BICRA: variants seen among roughly 807,000 people sequenced by gnomAD.
The protein encoded by BICRA is BRD4-interacting chromatin-remodeling complex-associated protein.
A neutral mutation model predicts 96.9 loss-of-function variants in BICRA; 31 were observed. The ratio of observed to expected loss-of-function variants is 0.32; its 90% confidence interval spans 0.24 to 0.43. The LOEUF (loss-of-function observed/expected upper bound fraction) is 0.43, where lower values mean the gene tolerates loss of function less well. Among genes scored for constraint, BICRA ranks in the 20% least tolerant of loss-of-function variants. The probability of loss-of-function intolerance (pLI) is 1.00; values close to 1 mark genes in which losing one functional copy is unlikely to be tolerated. For synonymous variants in BICRA, 1,350 were observed against 1,071.8 expected (o/e 1.26, Z -5.07); for missense variants, 2,283 against 2,190.3 (o/e 1.04, Z -0.84).
chr19:47,683,438 A>G (rs980093979), intron 7 of BICRA, among the ~76,000 whole-genome samples: 2 of 152,198 alleles, frequency 1.3e-5, no homozygotes, highest in African/African-American at 2.4e-5. Context: ...GAAACTGCTC[A>G]TACCCTTTGC....
rs756030830 is a variant in BICRA at position 47,622,723 on chromosome 19, C to CAAAAA, written c.-108+13575_-108+13579dup. Among the ~76,000 whole-genome samples, 4 of 31,882 alleles carry CAAAAA rather than the reference C, an allele frequency of 1.3e-4. No individual in the cohort carries two copies. The East Asian group carries it at 2.8e-3, about 23-fold the overall frequency. 20.9% of individuals were successfully genotyped at this position (31,882 alleles called of 152,430 possible). ...TGGGTGACAGAGTGAGACTCTGTCT[C>CAAAAA]AAAAAAAAAAAAAAAAAAAAAAAAT... On this transcript the variant is annotated intron_variant, in intron 1 of 14. Transcript: ENST00000594866.
Position 47,694,290 on chromosome 19 carries a change from ACCCTTGCCCCCCAC to A in BICRA, c.2463_2476del (p.Cys822GlyfsTer44). ...CGCCCTCCCTCAGAGCCACCCTTGC[ACCCTTGCCCCCCAC>A]CCCAGGCCCCCCCAACTCTGCCTGG... On this transcript the variant is annotated frameshift_variant, in exon 8 of 15. Coordinates refer to ENST00000594866, the MANE Select transcript of BICRA (RefSeq NM_001394372.1). LOFTEE classifies it high-confidence loss of function. 2 of 637,910 alleles carry A rather than the reference ACCCTTGCCCCCCAC, an allele frequency of 3.1e-6. No homozygotes were observed. The highest frequency in any genetic ancestry group is 5.0e-6 in the Non-Finnish European group (2 of 401,960). 39.5% of individuals were successfully genotyped at this position (637,910 alleles called of 1,614,324 possible).
rs759806060 is a variant in BICRA, at chr19:47,695,446, C to T, written c.3158C>T (p.Ser1053Phe). The change falls in exon 10 of 15, where the codon TCC becomes TTC. Residue 1053 changes from serine to phenylalanine, a missense_variant. Ser to Phe is a radical substitution (Grantham distance 155). Coordinates refer to ENST00000594866, the MANE Select transcript of BICRA (RefSeq NM_001394372.1). Reference sequence around the variant, plus strand: ...CTGAATGTGGCCAAGGCCGCTTCCTCCGGGCCAGGGAAGCCCTCCGGGCTG... The same window carrying T: ...CTGAATGTGGCCAAGGCCGCTTCCTTCGGGCCAGGGAAGCCCTCCGGGCTG... ...PTLNVAKAAS[S>F]GPGKPSGLQY... 26 of 1,590,072 alleles carry T rather than the reference C, an allele frequency of 1.6e-5. No individual in the cohort carries two copies. In the African/African-American group the frequency reaches 3.2e-4, roughly 20 times the overall value.
intron 2 of BICRA, among the ~76,000 whole-genome samples, chr19:47,672,895 C>A (rs1972887577): frequency 6.6e-6 from 1 of 152,108 alleles, no homozygotes; most frequent in South Asian, 2.1e-4. Context: ...GCTTCTCTGA[C>A]TCAGAGCGCC....
intron 1 of BICRA, among the ~76,000 whole-genome samples, chr19:47,616,416 C>G (rs534705985): frequency 6.6e-6 from 1 of 152,140 alleles, no homozygotes; most frequent in Non-Finnish European, 1.5e-5. Flanking sequence ...GCAGGCGGAT[C>G]ACTTGAGGTC....
At chr19:47,688,385 AAAT>A (rs1249403214) in intron 7 of BICRA, among the ~76,000 whole-genome samples, 1 of 152,156 alleles carries the variant, frequency 6.6e-6, no homozygotes, top group Non-Finnish European at 1.5e-5. Context: ...GTTGAAGACC[AAAT>A]AATAATAATA....
intron 1 of BICRA, among the ~76,000 whole-genome samples, chr19:47,658,492 C>T (rs887226628): frequency 8.6e-5 from 13 of 151,974 alleles, no homozygotes; most frequent in Admixed American, 3.3e-4. Flanking sequence ...GTTCGCCAGG[C>T]GTGGTGGCGA....
intron 1 of BICRA, among the ~76,000 whole-genome samples, chr19:47,610,620 CA>C: frequency 9.1e-5 from 10 of 109,366 alleles, no homozygotes; most frequent in African/African-American, 6.5e-4. Flanking sequence ...CCCCCCCCCA[CA>C]CACACACCTA....
chr19:47,699,124 C>T lies in BICRA; in HGVS notation c.3492+65C>T, dbSNP rs1973398953. ...TCGCTGGGACACTGCCCCTTTCCCT[C>T]ACCCGCTCTGGGCAAGGTGGAGCCT... On this transcript the variant is annotated intron_variant, in intron 13 of 14. Transcript: ENST00000594866. This position sits in a 1 kb window ranked among gnomAD's most constrained non-coding sequence, Gnocchi z 5.0. 2 of 1,204,014 alleles carry T rather than the reference C, an allele frequency of 1.7e-6. No individual in the cohort carries two copies. The highest frequency in any genetic ancestry group is 2.4e-6 in the Non-Finnish European group (2 of 835,192). The allele number at this position is 1,204,014 out of a possible 1,614,324, so 74.6% of individuals were successfully genotyped here. A position where few individuals can be genotyped will look rare whatever the true frequency, so the allele number is the denominator to read the frequency against.
chr19:47,685,786 T>TGTGTGCGC lies in BICRA; in HGVS notation c.2283+3635_2283+3636insTGTGCGCG. 9.4e-3 allele frequency among the ~76,000 whole-genome samples: 1,105 copies of TGTGTGCGC among 117,886 alleles called. 9 individuals carry two copies. Among genetic ancestry groups the TGTGTGCGC allele is most frequent in the Admixed American group, 0.019 (215 of 11,526 alleles). The allele number at this position is 117,886 out of a possible 152,430, so 77.3% of individuals were successfully genotyped here. A position where few individuals can be genotyped will look rare whatever the true frequency, so the allele number is the denominator to read the frequency against. On this transcript the variant is annotated intron_variant, in intron 7 of 14. Coordinates refer to ENST00000594866, the MANE Select transcript of BICRA (RefSeq NM_001394372.1). ...GTGTGTGTGTGTGTGTGTGTGTGTG[T>TGTGTGCGC]GCGCGCGCGCGCGCATGCGTACATT...
At chr19:47,677,187 G>A (rs1287140550) in intron 5 of BICRA, among the ~76,000 whole-genome samples, 4 of 152,162 alleles carry the variant, frequency 2.6e-5, no homozygotes, top group East Asian at 1.9e-4. Flanking sequence ...GATGCTTCTC[G>A]AGCACCTGCC....
chr19:47,654,394 G>T (rs1972583967), intron 1 of BICRA, among the ~76,000 whole-genome samples: 2 of 151,664 alleles, frequency 1.3e-5, no homozygotes, highest in Admixed American at 1.3e-4. Context: ...GTTTACTACT[G>T]CAATAGTCCT....
In BICRA at chr19:47,702,268, G is replaced by T; in HGVS notation, c.4536G>T (p.Gln1512His). Residue 1512 changes from glutamine to histidine, a missense_variant, in exon 15 of 15, where the codon CAG becomes CAT. Physicochemically the swap from Gln to His is conservative, Grantham distance 24 (BLOSUM62 0). Coordinates refer to ENST00000594866, the MANE Select transcript of BICRA (RefSeq NM_001394372.1). ...CCATCGACAGCATCCTGAACCTGCA[G>T]CAGGCCCCCGGCCGGACGCCCGCGC... Reference protein sequence around the residue: ...QSAIDSILNLQQAPGRTPAPS... With the variant: ...QSAIDSILNLHQAPGRTPAPS... The T allele has an allele frequency of 6.3e-7, 1 of 1,596,896 alleles. No homozygotes were observed.
chr19:47,663,879 A>ATTCCATTCCAT (rs901361458), intron 1 of BICRA: 1 of 151,936 alleles, frequency 6.6e-6, no homozygotes, highest in African/African-American at 2.4e-5. Context: ...AATGTCTTCC[A>ATTCCATTCCAT]TTCCATTCCA....
intron 1 of BICRA, among the ~76,000 whole-genome samples, chr19:47,661,479 G>A (rs1313082439): frequency 6.6e-6 from 1 of 152,062 alleles, no homozygotes; most frequent in Non-Finnish European, 1.5e-5. Flanking sequence ...CCGGGCCGGG[G>A]AGGAGGGCTT....
Position 47,679,946 on chromosome 19 carries a change from T to C in BICRA, c.776T>C (p.Val259Ala). 1 of 1,506,078 alleles carries C rather than the reference T, an allele frequency of 6.6e-7. No individual in the cohort carries two copies. The highest frequency in any genetic ancestry group is 1.9e-4 in the Middle Eastern group (1 of 5,136). 93.3% of individuals were successfully genotyped at this position (1,506,078 alleles called of 1,614,324 possible). A position where few individuals can be genotyped will look rare whatever the true frequency, so the allele number is the denominator to read the frequency against. The change falls in exon 6 of 15, where the codon GTC becomes GCC. Residue 259 changes from valine (V) to alanine (A), a missense_variant. Val to Ala is a moderately conservative substitution (Grantham distance 64). Coordinates refer to ENST00000594866, the MANE Select transcript of BICRA (RefSeq NM_001394372.1). ...CAGCTCCTGGCCAAGCAGGTGCCCG[T>C]CAGCGGCTACCTGGCCTCGGCGGCT... ...TSQLLAKQVP[V>A]SGYLASAAGP...
chr19:47,640,882 G>A (rs2123534755), intron 1 of BICRA, among the ~76,000 whole-genome samples: 1 of 148,214 alleles, frequency 6.7e-6, no homozygotes, highest in Admixed American at 6.8e-5. Flanking sequence ...GGGTAGTCTG[G>A]AGTCAGAGTC....
intron 7 of BICRA, among the ~76,000 whole-genome samples, chr19:47,687,300 G>A (rs566345049): frequency 2.6e-5 from 4 of 152,230 alleles, no homozygotes; most frequent in East Asian, 1.9e-4. Context: ...TGCAAGTCAC[G>A]AAATAGTATT....
chr19:47,627,307 A>G (rs1434821042), intron 1 of BICRA, among the ~76,000 whole-genome samples: 1 of 151,820 alleles, frequency 6.6e-6, no homozygotes, highest in Non-Finnish European at 1.5e-5. Flanking sequence ...TCTAGAGCCA[A>G]CTGTGGCACT....
Sources: allele counts gnomAD v4.1 joint callset (sites outside exome capture counted in the v4.1 genomes callset), GRCh38; gene constraint gnomAD v4.1.1; non-coding constraint Gnocchi (gnomAD v3.1); transcripts MANE v1.5; gene names NCBI Gene and HGNC (gene_info 2026-07-23, HGNC 2026-07-21).